MINK1: variants seen among roughly 807,000 people sequenced by gnomAD.
MINK1 encodes the protein misshapen-like kinase 1.
Under a neutral mutation model 178.4 loss-of-function variants are expected in MINK1, and 46 were observed. The ratio of observed to expected loss-of-function variants is 0.26; its 90% confidence interval spans 0.20 to 0.33. MINK1 has a LOEUF of 0.33. Ranked by LOEUF, MINK1 falls within the 10% of genes least tolerant of loss-of-function variation. The pLI, the probability that MINK1 is intolerant of heterozygous loss-of-function variation, is 1.00. For synonymous variants in MINK1, 797 were observed against 709.7 expected, an observed-to-expected ratio of 1.12 and a Z score of -1.96; for missense variants, 1,366 against 1,814.9, an observed-to-expected ratio of 0.75 and a Z score of 4.49.
rs1350523240 is a variant in MINK1, at chr17:4,878,505, G to A, written c.123+123G>A. 8.1e-6 allele frequency: 7 copies of A among 868,460 alleles called. No individual in the cohort carries two copies. In the African/African-American group the frequency reaches 1.0e-4, roughly 13 times the overall value. 53.8% of individuals were successfully genotyped at this position (868,460 alleles called of 1,614,324 possible). On this transcript the variant is annotated intron_variant, in intron 2 of 31. Transcript: ENST00000355280. ...GCTATGGGAGATGCTAGAGTCTAGG[G>A]CCCTGGAAAGGTAGAGTGGGGGAGA...
At chr17:4,878,533 A>G (rs1967404961) in intron 2 of MINK1, among the ~76,000 whole-genome samples, 151 bp downstream of exon 2, 1 of 152,056 alleles carries the variant, frequency 6.6e-6, no homozygotes, top group Non-Finnish European at 1.5e-5. Context: ...GGGGGAGAGG[A>G]AAGAGCACCC....
Position 4,883,961 on chromosome 17 carries a change from T to G in MINK1, c.307-402T>G, listed in dbSNP as rs138026835. Among the ~76,000 whole-genome samples, 277 of 152,082 alleles carry G rather than the reference T, an allele frequency of 1.8e-3. 3 individuals carry two copies. The highest frequency in any genetic ancestry group is 2.7e-3 in the Non-Finnish European group (182 of 67,986). ...TCATTTTGTTTACAGTTTCAGGGAT[T>G]CCTTGGACTCCTACTCTAAACCCAG... On this transcript the variant is annotated intron_variant, in intron 4 of 31. Coordinates refer to ENST00000355280, the MANE Select transcript of MINK1 (RefSeq NM_153827.5).
At chr17:4,897,084 C>A in intron 31 of MINK1, 120 bp from the exon 32 acceptor site, 2 of 935,698 alleles carry the variant, frequency 2.1e-6, no homozygotes. Flanking sequence ...TGAGTCTCCT[C>A]CTGCAGTCTC....
At chr17:4,845,638 A>ATT (rs561317791) in intron 1 of MINK1, among the ~76,000 whole-genome samples, 4 of 141,482 alleles carry the variant, frequency 2.8e-5, no homozygotes, top group East Asian at 2.0e-4. Context: ...ATTGAGTTGG[A>ATT]TTTTTTTTTT....
At position 4,894,118 on chromosome 17, in the gene MINK1, C is replaced by A. The variant is rs751580299; in HGVS notation, c.2670+25C>A. 1.2e-6 allele frequency: 2 copies of A among 1,606,792 alleles called. No individual in the cohort carries two copies. The highest frequency in any genetic ancestry group is 2.7e-5 in the African/African-American group (2 of 74,770). On this transcript the variant is annotated intron_variant, in intron 22 of 31. Coordinates refer to ENST00000355280, the MANE Select transcript of MINK1 (RefSeq NM_153827.5). The surrounding 1 kb of genome is among the most constrained non-coding windows in gnomAD (Gnocchi z 4.1). ...CGTGAGTGAGCCTCTGCTCCCTCCC[C>A]TGTACCTGTGTGTGCCCTCCTCAGC... is the stretch of plus-strand genomic sequence containing the variant.
chr17:4,889,372 G>A (rs1427994968), intron 12 of MINK1, among the ~76,000 whole-genome samples: 2 of 152,150 alleles, frequency 1.3e-5, no homozygotes, highest in African/African-American at 2.4e-5. Context: ...GTTGTTTGGT[G>A]GGGTGTGGGG....
chr17:4,861,732 C>G, intron 1 of MINK1: 1 of 235,022 alleles, frequency 4.3e-6, no homozygotes, highest in Non-Finnish European at 9.1e-6. Flanking sequence ...AACTCCTGAC[C>G]TCAGGTAATC....
rs762957148 is a variant in MINK1 at position 4,895,542 on chromosome 17, G to C, written c.3229+49G>C. Reference sequence around the variant, plus strand: ...GGGAGGAGGGGCTCAGCTCCTTGGCGCTGTCACCATCTTCTGCCTGGGAGG... The same window carrying C: ...GGGAGGAGGGGCTCAGCTCCTTGGCCCTGTCACCATCTTCTGCCTGGGAGG... On this transcript the variant is annotated intron_variant, in intron 26 of 31. Transcript: ENST00000355280. The surrounding 1 kb of genome is among the most constrained non-coding windows in gnomAD (Gnocchi z 4.3). 1 of 1,552,902 alleles carries C rather than the reference G, an allele frequency of 6.4e-7. No individual in the cohort carries two copies. Among genetic ancestry groups the C allele is most frequent in the Non-Finnish European group, 8.7e-7 (1 of 1,145,972 alleles).
In MINK1 at chr17:4,885,660, G is replaced by C. The variant is rs1968134788; in HGVS notation, c.639+47G>C. Reference sequence around the variant, plus strand: ...GCATGGGGGCTGCCAAGGGCGGGAAGCAATATGGGGACCACGGGGCCTGAG... The same window carrying C: ...GCATGGGGGCTGCCAAGGGCGGGAACCAATATGGGGACCACGGGGCCTGAG... On this transcript the variant is annotated intron_variant, in intron 7 of 31. Transcript: ENST00000355280. The surrounding 1 kb of genome is among the most constrained non-coding windows in gnomAD (Gnocchi z 5.0). 1 of 1,610,300 alleles carries C rather than the reference G, an allele frequency of 6.2e-7. No individual in the cohort carries two copies. Among genetic ancestry groups the C allele is most frequent in the African/African-American group, 1.3e-5 (1 of 74,860 alleles).
intron 1 of MINK1, chr17:4,857,262 C>T: frequency 1.4e-5 from 3 of 219,600 alleles, no homozygotes; most frequent in Admixed American, 5.9e-5. Context: ...GGCCATGATG[C>T]CGGTGCCATT....
rs186166857 is a variant in MINK1, at chr17:4,855,226, C to G, written c.57+21586C>G. The stretch of plus-strand genomic sequence containing the variant: ...AAAAGGCCAGGCATGGTGGCTCACA[C>G]CTGTAATCCCAGCACTTTGGGAGGC... On this transcript the variant is annotated intron_variant, in intron 1 of 31. Transcript: ENST00000355280. 4.7e-3 allele frequency among the ~76,000 whole-genome samples: 699 copies of G among 150,216 alleles called. 5 individuals carry two copies. Among genetic ancestry groups the G allele is most frequent in the African/African-American group, 0.016 (670 of 40,878 alleles).
chr17:4,847,530 T>G (rs1911230773), intron 1 of MINK1, among the ~76,000 whole-genome samples: 1 of 152,204 alleles, frequency 6.6e-6, no homozygotes, highest in Non-Finnish European at 1.5e-5. Context: ...AGTCCTTATT[T>G]CTTCCTAAAA....
chr17:4,851,436 G>A (rs185058173), intron 1 of MINK1, among the ~76,000 whole-genome samples: 96 of 152,208 alleles, frequency 6.3e-4, no homozygotes, highest in Admixed American at 4.3e-3. Flanking sequence ...GTTGTCCTCA[G>A]CTAAGAAAGC....
intron 1 of MINK1, chr17:4,860,789 C>T (rs1177715462): frequency 2.3e-5 from 12 of 519,954 alleles, no homozygotes; most frequent in African/African-American, 1.9e-4. Context: ...GGAAGGACCA[C>T]GGCGCTGTGT....
chr17:4,839,013 G>A (rs569731058), intron 1 of MINK1, among the ~76,000 whole-genome samples: 63 of 150,896 alleles, frequency 4.2e-4, no homozygotes, highest in African/African-American at 1.5e-3. Flanking sequence ...GCGCGATCTT[G>A]GCTCACTGCA....
chr17:4,890,041 T>A, intron 13 of MINK1: 1 of 487,048 alleles, frequency 2.1e-6, no homozygotes, highest in Non-Finnish European at 3.6e-6. Flanking sequence ...CTTCCCCATC[T>A]GTGCCGCATG....
intron 1 of MINK1, chr17:4,860,793 G>A (rs777313148): frequency 4.2e-5 from 22 of 519,938 alleles, no homozygotes; most frequent in Admixed American, 3.7e-4. Flanking sequence ...GGACCACGGC[G>A]CTGTGTCCCT....
At chr17:4,853,314 G>A (rs1387894288) in intron 1 of MINK1, among the ~76,000 whole-genome samples, 1 of 93,176 alleles carries the variant, frequency 1.1e-5, no homozygotes, top group African/African-American at 4.3e-5. Flanking sequence ...TGTGGTTGGT[G>A]GGAAGAGTGT....
At chr17:4,873,123 A>T (rs1014067176) in intron 1 of MINK1, among the ~76,000 whole-genome samples, 1 of 152,168 alleles carries the variant, frequency 6.6e-6, no homozygotes, top group African/African-American at 2.4e-5. Flanking sequence ...TGCAGCCTCC[A>T]TGACCATCTC....
Sources: gnomAD v4.1 joint callset for allele counts (sites outside exome capture counted in the v4.1 genomes callset) on GRCh38, gnomAD v4.1.1 for gene constraint, Gnocchi (gnomAD v3.1) non-coding constraint, MANE v1.5 for transcripts, NCBI Gene and HGNC (gene_info 2026-07-23, HGNC 2026-07-21) for gene names.